The following CSGALNACT1 variants were observed in gnomAD, a reference collection of about 807,000 sequenced individuals.
CSGALNACT1 encodes the protein beta4GalNAcT-1.
Under a neutral mutation model 51.0 loss-of-function variants are expected in CSGALNACT1, and 52 were observed. That is an observed-to-expected ratio of 1.02 (90% CI 0.82 to 1.29). CSGALNACT1 has a LOEUF of 1.29. CSGALNACT1 is among the 50% of genes most tolerant of loss of function. The probability of loss-of-function intolerance (pLI) is 0.00; values close to 1 mark genes in which losing one functional copy is unlikely to be tolerated. For synonymous variants in CSGALNACT1, 341 were observed against 254.4 expected (o/e 1.34, Z -3.24); for missense variants, 935 against 679.2 (o/e 1.38, Z -4.19).
chr8:19,498,922 T>C (rs1030997277), intron 4 of CSGALNACT1, among the ~76,000 whole-genome samples: 2 of 152,122 alleles, frequency 1.3e-5, no homozygotes, highest in African/African-American at 4.8e-5. Context: ...AAGACCAGCC[T>C]GCGAAATACA....
intron 3 of CSGALNACT1, among the ~76,000 whole-genome samples, chr8:19,547,061 GGTTTTC>G (rs1563992851): frequency 6.6e-6 from 1 of 152,092 alleles, no homozygotes; most frequent in Non-Finnish European, 1.5e-5. Flanking sequence ...GACTCTCCTG[GGTTTTC>G]TATACCCAAG....
chr8:19,736,392 T>C (rs927255934), intron 1 of CSGALNACT1, among the ~76,000 whole-genome samples: 2 of 152,118 alleles, frequency 1.3e-5, no homozygotes, highest in Non-Finnish European at 2.9e-5. Context: ...AAAAAGTTTC[T>C]ATAGGATAGT....
At chr8:19,715,206 G>C (rs1293390713) in intron 1 of CSGALNACT1, among the ~76,000 whole-genome samples, 1 of 152,164 alleles carries the variant, frequency 6.6e-6, no homozygotes, top group East Asian at 1.9e-4. Context: ...ACTACCACGA[G>C]AACAGTATGG....
chr8:19,599,165 G>T (rs1019313543), intron 2 of CSGALNACT1, among the ~76,000 whole-genome samples: 2 of 151,874 alleles, frequency 1.3e-5, no homozygotes, highest in Non-Finnish European at 2.9e-5. Flanking sequence ...TGTCAGGGGA[G>T]GGGGAGCACA....
At chr8:19,570,428 TG>T (rs1236702001) in intron 3 of CSGALNACT1, among the ~76,000 whole-genome samples, 7 of 152,186 alleles carry the variant, frequency 4.6e-5, no homozygotes, top group Non-Finnish European at 1.0e-4. Context: ...CCATTCCAGC[TG>T]TCTCAATAGT....
At chr8:19,553,492 C>CCTA (rs540766140) in intron 3 of CSGALNACT1, among the ~76,000 whole-genome samples, 86 of 151,666 alleles carry the variant, frequency 5.7e-4, no homozygotes, top group African/African-American at 1.9e-3. Flanking sequence ...ATCCCAAACT[C>CCTA]CTATCACTCA....
intron 9 of CSGALNACT1, among the ~76,000 whole-genome samples, chr8:19,406,953 C>T (rs1325934834): frequency 6.6e-6 from 1 of 152,224 alleles, no homozygotes; most frequent in Non-Finnish European, 1.5e-5. Context: ...AAGTGATCTG[C>T]CCACCTTGGC....
At chr8:19,500,738 G>A (rs12545993) in intron 4 of CSGALNACT1, among the ~76,000 whole-genome samples, 141 of 152,336 alleles carry the variant, frequency 9.3e-4, no homozygotes, top group African/African-American at 3.3e-3. Context: ...CTATCTCCCT[G>A]TGTCTTTGCT....
chr8:19,441,401 C>T (rs2061312409), intron 5 of CSGALNACT1, among the ~76,000 whole-genome samples: 1 of 152,154 alleles, frequency 6.6e-6, no homozygotes, highest in South Asian at 2.1e-4. Context: ...ACAGAGCCCT[C>T]AGAAATAATG....
At chr8:19,644,048 G>A (rs1328806124) in intron 1 of CSGALNACT1, among the ~76,000 whole-genome samples, 2 of 152,078 alleles carry the variant, frequency 1.3e-5, no homozygotes, top group African/African-American at 2.4e-5. Context: ...GCCTAACATT[G>A]GAGAATGCTA....
chr8:19,636,202 G>C (rs1472794823), intron 1 of CSGALNACT1, among the ~76,000 whole-genome samples: 2 of 152,180 alleles, frequency 1.3e-5, no homozygotes, highest in Non-Finnish European at 1.5e-5. Flanking sequence ...GAGTTAGAGA[G>C]AGAGAGATCA....
intron 1 of CSGALNACT1, among the ~76,000 whole-genome samples, chr8:19,670,670 A>AAAAAC (rs2059730293): frequency 6.9e-6 from 1 of 145,460 alleles, no homozygotes; most frequent in African/African-American, 2.5e-5. Flanking sequence ...AAAAAAAAAA[A>AAAAAC]AAAGAGAAAA....
At chr8:19,591,455 T>C (rs549294234) in intron 2 of CSGALNACT1, among the ~76,000 whole-genome samples, 13 of 152,374 alleles carry the variant, frequency 8.5e-5, no homozygotes, top group South Asian at 4.1e-4. Flanking sequence ...TAGTCACTTA[T>C]AGTCCTTTTT....
At chr8:19,449,682 T>C (rs912677118) in intron 5 of CSGALNACT1, among the ~76,000 whole-genome samples, 1 of 152,090 alleles carries the variant, frequency 6.6e-6, no homozygotes, top group Admixed American at 6.6e-5. Context: ...TCATAAATGT[T>C]AGAAAGAGAA....
exon 10 of CSGALNACT1, chr8:19,405,003 T>A (rs1299694627): frequency 4.4e-6 from 2 of 453,732 alleles, no homozygotes; most frequent in African/African-American, 4.0e-5. Flanking sequence ...ATGGCATCAA[T>A]TTGATGCTTT....
exon 1 of CSGALNACT1, chr8:19,682,499 C>G: frequency 2.7e-6 from 1 of 373,414 alleles, no homozygotes; most frequent in South Asian, 2.0e-5. Flanking sequence ...AAAGATGACA[C>G]CTGTTGTCAC....
chr8:19,723,079 T>C (rs188737601), intron 1 of CSGALNACT1, among the ~76,000 whole-genome samples: 8 of 152,320 alleles, frequency 5.3e-5, no homozygotes, highest in Admixed American at 1.3e-4. Flanking sequence ...CCTCCTCTAT[T>C]TGTATATGCT....
chr8:19,498,991 C>CACCA, intron 4 of CSGALNACT1, among the ~76,000 whole-genome samples: 1 of 152,094 alleles, frequency 6.6e-6, no homozygotes, highest in East Asian at 1.9e-4. Context: ...TGGTACACAC[C>CACCA]TGTAGCCCAG....
At chr8:19,698,792 C>T (rs572248604) in intron 1 of CSGALNACT1, among the ~76,000 whole-genome samples, 1 of 152,090 alleles carries the variant, frequency 6.6e-6, no homozygotes, top group Non-Finnish European at 1.5e-5. Flanking sequence ...ATTGATTTAC[C>T]ATATGATCCA....
Sources: allele counts gnomAD v4.1 joint callset (sites outside exome capture counted in the v4.1 genomes callset), GRCh38; gene constraint gnomAD v4.1.1; transcripts MANE v1.5; gene names NCBI Gene and HGNC (gene_info 2026-07-23, HGNC 2026-07-21).